The following KALRN variants were observed in gnomAD, a reference collection of about 807,000 sequenced individuals.
The protein encoded by KALRN is kalirin RhoGEF kinase.
In KALRN, 70 loss-of-function variants were observed where a neutral mutation model predicts 353.7. The observed-to-expected ratio is 0.20, with a 90% CI of 0.16 to 0.24. The LOEUF is 0.24. KALRN is among the 10% of genes least tolerant of loss of function. The pLI, the probability that KALRN is intolerant of heterozygous loss-of-function variation, is 1.00. For missense variants in KALRN, 2,791 were observed against 3,756.7 expected, an observed-to-expected ratio of 0.74 and a Z score of 6.72; for synonymous variants, 1,391 against 1,434.8, an observed-to-expected ratio of 0.97 and a Z score of 0.69.
intron 1 of KALRN, among the ~76,000 whole-genome samples, chr3:124,080,271 A>G (rs1211148710): frequency 6.6e-6 from 1 of 152,238 alleles, no homozygotes; most frequent in Non-Finnish European, 1.5e-5. Flanking sequence ...TTAAAAAGCT[A>G]AAAGCAAGGC....
chr3:124,430,020 C>G (rs533401726), intron 15 of KALRN, among the ~76,000 whole-genome samples: 1 of 152,170 alleles, frequency 6.6e-6, no homozygotes, highest in Admixed American at 6.5e-5. Flanking sequence ...CTACACCACA[C>G]CCATTATATG....
At chr3:124,137,988 T>A (rs1469032760) in intron 1 of KALRN, among the ~76,000 whole-genome samples, 1 of 151,722 alleles carries the variant, frequency 6.6e-6, no homozygotes, top group Non-Finnish European at 1.5e-5. Context: ...ACAAGGGAGG[T>A]CAGAACAGCC....
intron 6 of KALRN, among the ~76,000 whole-genome samples, chr3:124,322,947 G>T (rs1055527048): frequency 3.9e-5 from 6 of 152,164 alleles, no homozygotes; most frequent in Admixed American, 2.6e-4. Flanking sequence ...CTGAAAAGGG[G>T]CTATAGAGAA....
At chr3:124,339,108 C>G (rs1365703895) in intron 9 of KALRN, among the ~76,000 whole-genome samples, 1 of 152,150 alleles carries the variant, frequency 6.6e-6, no homozygotes, top group Non-Finnish European at 1.5e-5. Flanking sequence ...AAACTGTTGG[C>G]AAGAGTTTGA....
At chr3:124,515,845 T>C (rs989483133) in intron 33 of KALRN, among the ~76,000 whole-genome samples, 4 of 152,224 alleles carry the variant, frequency 2.6e-5, no homozygotes, top group Non-Finnish European at 4.4e-5. Flanking sequence ...TTAAGAGCTA[T>C]GCATTGATGT....
chr3:124,433,215 C>T (rs1001262983), intron 16 of KALRN, among the ~76,000 whole-genome samples: 1 of 150,950 alleles, frequency 6.6e-6, no homozygotes, highest in African/African-American at 2.4e-5. Context: ...CCCTGGGTTC[C>T]ATCAGGGAAA....
rs964031423 is a variant in KALRN at position 124,130,386 on chromosome 3, A to AT, written c.73+96581dup. On this transcript the variant is annotated intron_variant, in intron 1 of 59. Coordinates refer to ENST00000682506, the MANE Select transcript of KALRN (RefSeq NM_001388419.1). ...TATTTTCAAGAAGTAAAATTATTAG[A>AT]TTTTTTTTAAAAACTGCTTAAAGAC... is the stretch of plus-strand genomic sequence containing the variant. Among the ~76,000 whole-genome samples the AT allele has an allele frequency of 8.2e-4, 125 of 152,170 alleles. 1 individual carries two copies. The highest frequency in any genetic ancestry group is 6.8e-3 in the Middle Eastern group (2 of 294).
intron 33 of KALRN, among the ~76,000 whole-genome samples, chr3:124,530,424 A>G (rs1269730782): frequency 1.3e-5 from 2 of 151,784 alleles, no homozygotes; most frequent in South Asian, 2.1e-4. Context: ...TTGTTTTTTT[A>G]TTTGTTGCCC....
At chr3:124,675,637 C>G (rs570501821) in intron 49 of KALRN, among the ~76,000 whole-genome samples, 14 of 151,420 alleles carry the variant, frequency 9.2e-5, no homozygotes, top group Non-Finnish European at 1.9e-4. Context: ...GGCCTTCCCT[C>G]CTAAATAGCC....
chr3:124,076,927 A>G (rs2060288318), intron 1 of KALRN, among the ~76,000 whole-genome samples: 1 of 152,264 alleles, frequency 6.6e-6, no homozygotes, highest in Admixed American at 6.5e-5. Flanking sequence ...GCTAATTAAA[A>G]GACATTGTGT....
intron 39 of KALRN, 109 bp from the exon 40 acceptor site, chr3:124,657,339 G>T (rs535780405): frequency 4.2e-6 from 3 of 721,888 alleles, no homozygotes; most frequent in Non-Finnish European, 7.3e-6. Context: ...GCATTTGTCC[G>T]CAAACTCACG....
At chr3:124,601,368 A>G (rs2076792983) in intron 34 of KALRN, among the ~76,000 whole-genome samples, 1 of 152,242 alleles carries the variant, frequency 6.6e-6, no homozygotes, top group South Asian at 2.1e-4. Flanking sequence ...GTAGGATGGA[A>G]GTAGATTAAT....
intron 34 of KALRN, among the ~76,000 whole-genome samples, chr3:124,588,566 A>G (rs1395647875): frequency 6.6e-6 from 1 of 152,160 alleles, no homozygotes; most frequent in East Asian, 1.9e-4. Context: ...CTGGGACTAC[A>G]GGCGTGCACC....
At chr3:124,618,202 G>C (rs145579701) in intron 34 of KALRN, among the ~76,000 whole-genome samples, 1 of 140,190 alleles carries the variant, frequency 7.1e-6, no homozygotes, top group African/African-American at 2.7e-5. Context: ...TCCGCCTCCC[G>C]GGGTTCATGC....
Position 124,234,902 on chromosome 3 carries a change from A to G in KALRN, c.222A>G (p.Glu74=), listed in dbSNP as rs1457995154. 2 of 1,608,662 alleles carry G rather than the reference A, an allele frequency of 1.2e-6. No individual in the cohort carries two copies. Among genetic ancestry groups the G allele is most frequent in the Non-Finnish European group, 8.5e-7 (1 of 1,177,224 alleles). The stretch of plus-strand genomic sequence containing the variant: ...GCAATCATGACAGAATAAGACAGGA[A>G]GACCTGCGGAAACTCGTGACGTATT... ...ARSNHDRIRQ[E]DLRKLVTYLA... The change falls in exon 3 of 60, where the codon GAA becomes GAG. Residue 74 remains glutamate (E), a synonymous_variant. Transcript: ENST00000682506.
chr3:124,441,555 T>G (rs1257746883), intron 18 of KALRN, among the ~76,000 whole-genome samples: 1 of 152,212 alleles, frequency 6.6e-6, no homozygotes, highest in Non-Finnish European at 1.5e-5. Flanking sequence ...CCAGGTGCCA[T>G]GGCTCATGCC....
intron 1 of KALRN, among the ~76,000 whole-genome samples, chr3:124,177,168 C>G (rs925911399): frequency 6.6e-6 from 1 of 152,200 alleles, no homozygotes; most frequent in African/African-American, 2.4e-5. Flanking sequence ...CTGTCCCTTC[C>G]TTTTCACAGG....
chr3:124,575,193 C>A (rs566214927), intron 34 of KALRN, among the ~76,000 whole-genome samples: 30 of 152,356 alleles, frequency 2.0e-4, no homozygotes, highest in African/African-American at 6.5e-4. Flanking sequence ...TATCCACTAA[C>A]CCCAGCCAGA....
chr3:124,207,838 C>T (rs1423298946), intron 1 of KALRN, among the ~76,000 whole-genome samples: 1 of 152,178 alleles, frequency 6.6e-6, no homozygotes, highest in Admixed American at 6.5e-5. Flanking sequence ...CACAAAGTCC[C>T]ACGAAAGCAG....
Sources: allele counts gnomAD v4.1 joint callset (sites outside exome capture counted in the v4.1 genomes callset), GRCh38; gene constraint gnomAD v4.1.1; transcripts MANE v1.5; gene names NCBI Gene and HGNC (gene_info 2026-07-23, HGNC 2026-07-21).